Variants in EVC observed in about 807,000 individuals in gnomAD.
EVC encodes the protein evC complex member EVC.
A neutral mutation model predicts 118.9 loss-of-function variants in EVC; 116 were observed. The ratio of observed to expected loss-of-function variants is 0.98; its 90% CI spans 0.84 to 1.14. The LOEUF (loss-of-function observed/expected upper bound fraction) is 1.14. Among genes scored for constraint, EVC ranks in the 50% most tolerant of loss-of-function variants. EVC has a pLI of 0.00. For missense variants in EVC, 1,401 were observed against 1,246.4 expected (o/e 1.12, Z -1.87); for synonymous variants, 619 against 534.7 (o/e 1.16, Z -2.18).
chr4:5,753,956 G>C (rs754641764), intron 10 of EVC, 23 bp downstream of exon 10: 1 of 1,612,298 alleles, frequency 6.2e-7, no homozygotes, highest in East Asian at 2.2e-5. Flanking sequence ...CCCAGCCTCT[G>C]CACATGTGGG....
At chr4:5,714,258 A>G (rs1054981197) in intron 1 of EVC, among the ~76,000 whole-genome samples, 2 of 151,808 alleles carry the variant, frequency 1.3e-5, no homozygotes, top group Non-Finnish European at 2.9e-5. Context: ...TTTATCTTGC[A>G]TTGCTTTCCT....
At chr4:5,792,884 T>C (rs77356116) in intron 12 of EVC, among the ~76,000 whole-genome samples, 1,703 of 152,298 alleles carry the variant, frequency 0.011, 32 homozygotes, top group African/African-American at 0.039. Flanking sequence ...GTTTATAGAA[T>C]GTCATTGAAG....
At chr4:5,764,578 G>C (rs1306911509) in intron 11 of EVC, among the ~76,000 whole-genome samples, 1 of 150,616 alleles carries the variant, frequency 6.6e-6, no homozygotes, top group African/African-American at 2.4e-5. Context: ...CACAACTTCA[G>C]CTCCTGTTAT....
chr4:5,740,865 A>G (rs1728456496), intron 5 of EVC, among the ~76,000 whole-genome samples: 1 of 152,236 alleles, frequency 6.6e-6, no homozygotes, highest in South Asian at 2.1e-4. Flanking sequence ...CAGCATGAAA[A>G]TCCAAGTTGA....
chr4:5,722,634 C>G (rs905701470), intron 2 of EVC, among the ~76,000 whole-genome samples: 4 of 152,198 alleles, frequency 2.6e-5, no homozygotes, highest in African/African-American at 9.6e-5. Flanking sequence ...TCCACAGCCT[C>G]CGTCTCTCCA....
chr4:5,781,123 A>G (rs1446465537), intron 11 of EVC, among the ~76,000 whole-genome samples: 1 of 152,208 alleles, frequency 6.6e-6, no homozygotes, highest in African/African-American at 2.4e-5. Flanking sequence ...ATTGCACCTA[A>G]TGAGACCCTG....
chr4:5,821,880 T>C, the EVC span: 2 of 1,527,820 alleles, frequency 1.3e-6, no homozygotes, highest in Admixed American at 3.7e-5. This position sits in a 1 kb window ranked among gnomAD's most constrained non-coding sequence, Gnocchi z 4.4. Context: ...CGCTGCTGGA[T>C]GGGATCTGTT....
At chr4:5,815,019 A>G (rs1717455888), downstream of EVC, among the ~76,000 whole-genome samples, 1 of 151,986 alleles carries the variant, frequency 6.6e-6, no homozygotes, top group South Asian at 2.1e-4. Flanking sequence ...AAACAATCCC[A>G]CTAAACCCAA....
At chr4:5,780,768 G>T (rs1432288965) in intron 11 of EVC, among the ~76,000 whole-genome samples, 1 of 152,186 alleles carries the variant, frequency 6.6e-6, no homozygotes, top group Non-Finnish European at 1.5e-5. Flanking sequence ...AGGTTCAGTG[G>T]TTCACTAAGA....
the EVC span, chr4:5,821,614 TA>T: frequency 1.3e-6 from 1 of 788,840 alleles, no homozygotes; most frequent in Non-Finnish European, 2.0e-6. The surrounding 1 kb of genome is among the most constrained non-coding windows in gnomAD (Gnocchi z 4.4). Context: ...CACTTCTTCC[TA>T]AACAGAAAAG....
chr4:5,790,963 C>T (rs564365712), intron 12 of EVC, among the ~76,000 whole-genome samples: 87 of 152,008 alleles, frequency 5.7e-4, no homozygotes, highest in African/African-American at 1.2e-3. Flanking sequence ...GGCGTGGTGG[C>T]GGGTGCCTGT....
intron 11 of EVC, chr4:5,758,049 G>C: frequency 1.4e-6 from 1 of 702,332 alleles, no homozygotes; most frequent in Non-Finnish European, 2.6e-6. Flanking sequence ...ATTCGGGTGG[G>C]CCCTAATTCT....
chr4:5,755,185 G>C lies in EVC; in HGVS notation c.1465-1079G>C, dbSNP rs1423401232. Among the ~76,000 whole-genome samples, 1 of 152,150 alleles carries C rather than the reference G, an allele frequency of 6.6e-6. No homozygotes were observed. Among genetic ancestry groups the C allele is most frequent in the East Asian group, 1.9e-4 (1 of 5,170 alleles). On this transcript the variant is annotated intron_variant, in intron 10 of 20. Coordinates refer to ENST00000264956, the MANE Select transcript of EVC (RefSeq NM_153717.3). The surrounding 1 kb of genome is among the most constrained non-coding windows in gnomAD (Gnocchi z 4.1). ...CCATTTGAAATAAGAGGAAGATAAG[G>C]CTATTCAGCTCCTCGTTATTTGGAT...
intron 8 of EVC, among the ~76,000 whole-genome samples, chr4:5,751,020 G>A (rs776847348): frequency 2.6e-5 from 4 of 152,058 alleles, no homozygotes; most frequent in African/African-American, 7.2e-5. Flanking sequence ...GGACCCTGAC[G>A]GTCATCAGAT....
rs12499655 is a variant in EVC, at chr4:5,756,547, A to G, written c.1563+185A>G. Among the ~76,000 whole-genome samples, 40,799 of 152,112 alleles carry G rather than the reference A, an allele frequency of 0.27. 5,976 individuals are homozygous for G. The highest frequency in any genetic ancestry group is 0.38 in the African/African-American group (15,965 of 41,480). ...CCTTGCCCACATCAGAAACCGAGGC[A>G]GTTGGCCTTGGTCCTCTCTGAGGCA... On this transcript the variant is annotated intron_variant, in intron 11 of 20. Transcript: ENST00000264956. This position sits in a 1 kb window ranked among gnomAD's most constrained non-coding sequence, Gnocchi z 4.2.
chr4:5,793,162 G>C (rs1211938381), intron 12 of EVC, among the ~76,000 whole-genome samples: 1 of 152,140 alleles, frequency 6.6e-6, no homozygotes, highest in Non-Finnish European at 1.5e-5. Flanking sequence ...TAGTAAGCAT[G>C]GTATTGGTGC....
At chr4:5,809,670 C>A in intron 19 of EVC, 59 bp downstream of exon 19, 1 of 1,464,920 alleles carries the variant, frequency 6.8e-7, no homozygotes, top group Non-Finnish European at 9.5e-7. Flanking sequence ...GATACGGATT[C>A]TAGTTCCACA....
rs73075596 is a variant in EVC, at chr4:5,782,761, A to G, written c.1564-791A>G. On this transcript the variant is annotated intron_variant, in intron 11 of 20. Coordinates refer to ENST00000264956, the MANE Select transcript of EVC (RefSeq NM_153717.3). ...CTGGGTGATCTTGAGTGTGAGGGGA[A>G]CAGAGGTCTTCCACGTTATTTGAGG... 7.8e-4 allele frequency among the ~76,000 whole-genome samples: 118 copies of G among 152,190 alleles called. 1 individual carries two copies. The highest frequency in any genetic ancestry group is 2.7e-3 in the African/African-American group (114 of 41,540).
At chr4:5,748,758 A>G (rs1560331528) in intron 8 of EVC, among the ~76,000 whole-genome samples, 1 of 59,338 alleles carries the variant, frequency 1.7e-5, no homozygotes, top group Non-Finnish European at 4.2e-5. Flanking sequence ...CCATCCATTT[A>G]CTCATCCATC....
Sources: allele counts gnomAD v4.1 joint callset (sites outside exome capture counted in the v4.1 genomes callset), GRCh38; gene constraint gnomAD v4.1.1; non-coding constraint Gnocchi (gnomAD v3.1); transcripts MANE v1.5; gene names NCBI Gene and HGNC (gene_info 2026-07-23, HGNC 2026-07-21).